KCNH7: variants seen among roughly 807,000 people sequenced by gnomAD.
KCNH7 encodes the protein voltage-gated inwardly rectifying potassium channel KCNH7.
Under a neutral mutation model 120.8 loss-of-function variants are expected in KCNH7, and 49 were observed. The ratio of observed to expected loss-of-function variants is 0.41; its 90% CI spans 0.32 to 0.51. The LOEUF (loss-of-function observed/expected upper bound fraction) is 0.51. KCNH7 is among the 20% of genes least tolerant of loss of function. The probability of loss-of-function intolerance (pLI) is 0.38; values close to 1 mark genes in which losing one functional copy is unlikely to be tolerated. For synonymous variants in KCNH7, 547 were observed against 516.1 expected, an observed-to-expected ratio of 1.06 and a Z score of -0.81; for missense variants, 1,097 against 1,446.6, an observed-to-expected ratio of 0.76 and a Z score of 3.92.
At chr2:162,790,550 T>C (rs1210500136) in intron 2 of KCNH7, among the ~76,000 whole-genome samples, 1 of 151,960 alleles carries the variant, frequency 6.6e-6, no homozygotes, top group Non-Finnish European at 1.5e-5. Context: ...TATAAGCCAA[T>C]ATCCCCAATA....
chr2:162,523,052 T>A (rs1327015236), intron 3 of KCNH7, among the ~76,000 whole-genome samples: 1 of 151,876 alleles, frequency 6.6e-6, no homozygotes, highest in Non-Finnish European at 1.5e-5. Context: ...CTTTAATCTA[T>A]ACATGCAAAA....
At chr2:162,821,297 G>A (rs1309025300) in intron 2 of KCNH7, among the ~76,000 whole-genome samples, 1 of 152,168 alleles carries the variant, frequency 6.6e-6, no homozygotes, top group Non-Finnish European at 1.5e-5. Context: ...AAACGGTTAA[G>A]GTTAATTCTC....
chr2:162,599,476 T>C (rs947489149), intron 2 of KCNH7, among the ~76,000 whole-genome samples: 1 of 152,006 alleles, frequency 6.6e-6, no homozygotes, highest in Non-Finnish European at 1.5e-5. Flanking sequence ...TTTTTATTTG[T>C]GACCTAAATT....
chr2:162,445,869 C>A, intron 7 of KCNH7, 149 bp downstream of exon 7: 1 of 640,454 alleles, frequency 1.6e-6, no homozygotes, highest in Admixed American at 3.2e-5. Flanking sequence ...AAAATGGTTT[C>A]ATTTCATTCT....
intron 8 of KCNH7, among the ~76,000 whole-genome samples, chr2:162,431,686 A>G (rs1280729721): frequency 6.6e-6 from 1 of 151,996 alleles, no homozygotes; most frequent in Non-Finnish European, 1.5e-5. Context: ...ATGTGGGTGT[A>G]TCTTACTGTA....
At chr2:162,519,641 A>G (rs1691448138) in intron 3 of KCNH7, among the ~76,000 whole-genome samples, 1 of 151,818 alleles carries the variant, frequency 6.6e-6, no homozygotes, top group African/African-American at 2.4e-5. Flanking sequence ...CCAAACAATA[A>G]TCTGTAACCC....
intron 6 of KCNH7, among the ~76,000 whole-genome samples, chr2:162,487,786 T>C (rs1343006990): frequency 1.3e-5 from 2 of 152,164 alleles, no homozygotes; most frequent in Non-Finnish European, 2.9e-5. Flanking sequence ...CCTTTCTATA[T>C]GGGATTTCTT....
At chr2:162,759,310 A>T (rs1185910464) in intron 2 of KCNH7, among the ~76,000 whole-genome samples, 1 of 152,080 alleles carries the variant, frequency 6.6e-6, no homozygotes, top group African/African-American at 2.4e-5. Flanking sequence ...GGTCCTGGGA[A>T]GTTGTACCTA....
chr2:162,751,624 G>A (rs1232030046), intron 2 of KCNH7, among the ~76,000 whole-genome samples: 1 of 151,764 alleles, frequency 6.6e-6, no homozygotes, highest in Admixed American at 6.6e-5. Context: ...TAGGCAAGTT[G>A]TAAAGGACCT....
chr2:162,429,529 T>C (rs917027771), intron 8 of KCNH7, among the ~76,000 whole-genome samples: 2 of 151,530 alleles, frequency 1.3e-5, no homozygotes, highest in Non-Finnish European at 3.0e-5. Context: ...AAGAATTATG[T>C]CAGGTTTTGT....
chr2:162,468,512 CTTTTTT>C (rs1166606647), intron 6 of KCNH7, among the ~76,000 whole-genome samples: 1 of 78,916 alleles, frequency 1.3e-5, no homozygotes, highest in Non-Finnish European at 2.3e-5. Context: ...TATTCTTTTC[CTTTTTT>C]TTTTTTTTTT....
At chr2:162,508,051 T>A (rs941552130) in intron 5 of KCNH7, among the ~76,000 whole-genome samples, 1 of 151,672 alleles carries the variant, frequency 6.6e-6, no homozygotes. Context: ...TATTGTAAAC[T>A]GTTTTTCTTT....
intron 1 of KCNH7, among the ~76,000 whole-genome samples, chr2:162,837,915 T>G (rs1254885513): frequency 6.6e-6 from 1 of 152,254 alleles, no homozygotes; most frequent in Non-Finnish European, 1.5e-5. Flanking sequence ...CTGCTTAGGA[T>G]ATATTTGCAT....
chr2:162,731,389 A>C (rs1687725106), intron 2 of KCNH7, among the ~76,000 whole-genome samples: 2 of 151,464 alleles, frequency 1.3e-5, no homozygotes, highest in South Asian at 4.1e-4. Flanking sequence ...TATTGAACTA[A>C]AAGAAAATAA....
At chr2:162,437,153 T>C (rs1229152103) in intron 7 of KCNH7, among the ~76,000 whole-genome samples, 1 of 152,054 alleles carries the variant, frequency 6.6e-6, no homozygotes, top group South Asian at 2.1e-4. Flanking sequence ...TTCTACAGTT[T>C]CTTGTTTTTC....
chr2:162,766,987 A>T (rs1682842296), intron 2 of KCNH7, among the ~76,000 whole-genome samples: 1 of 151,954 alleles, frequency 6.6e-6, no homozygotes, highest in African/African-American at 2.4e-5. Flanking sequence ...AAAATTTAAC[A>T]ATTTATCTTT....
chr2:162,837,315 A>C (rs1685697378), intron 1 of KCNH7, among the ~76,000 whole-genome samples: 1 of 152,222 alleles, frequency 6.6e-6, no homozygotes, highest in Non-Finnish European at 1.5e-5. Flanking sequence ...TTCATATTTA[A>C]TAGCAATTCA....
intron 2 of KCNH7, among the ~76,000 whole-genome samples, chr2:162,650,077 C>T (rs535226050): frequency 6.6e-6 from 1 of 152,186 alleles, no homozygotes; most frequent in Admixed American, 6.5e-5. Flanking sequence ...TAGCTCATTG[C>T]TATTATAGAT....
intron 3 of KCNH7, among the ~76,000 whole-genome samples, chr2:162,529,516 G>A (rs1009808764): frequency 2.6e-5 from 4 of 151,796 alleles, no homozygotes. Flanking sequence ...TCATGCTATA[G>A]AAGACATATG....
Sources: allele counts gnomAD v4.1 joint callset (sites outside exome capture counted in the v4.1 genomes callset), GRCh38; gene constraint gnomAD v4.1.1; transcripts MANE v1.5; gene names NCBI Gene and HGNC (gene_info 2026-07-23, HGNC 2026-07-21).